The following TMCC1 variants were observed in gnomAD, a reference collection of about 807,000 sequenced individuals.
TMCC1 encodes transmembrane and coiled-coil domains protein 1.
A neutral mutation model predicts 52.4 loss-of-function variants in TMCC1; 15 were observed. The observed-to-expected ratio is 0.29, with a 90% CI of 0.19 to 0.44. TMCC1 has a LOEUF of 0.44. Among genes scored for constraint, TMCC1 ranks in the 20% least tolerant of loss-of-function variants. The pLI is 1.00. For missense variants in TMCC1, 503 were observed against 806.0 expected, an observed-to-expected ratio of 0.62 and a Z score of 4.55; for synonymous variants, 279 against 301.9, an observed-to-expected ratio of 0.92 and a Z score of 0.79.
chr3:129,693,228 T>C (rs1243133384), intron 4 of TMCC1, among the ~76,000 whole-genome samples: 1 of 152,210 alleles, frequency 6.6e-6, no homozygotes, highest in Non-Finnish European at 1.5e-5. Context: ...GAAAGATGAT[T>C]CTTATTTGTG....
In TMCC1 at chr3:129,781,790, T is replaced by C. The variant is rs116108695; in HGVS notation, c.576+46013A>G. Among the ~76,000 whole-genome samples, 444 of 152,238 alleles carry C rather than the reference T, an allele frequency of 2.9e-3. 5 individuals are homozygous for C. Among genetic ancestry groups the C allele is most frequent in the Middle Eastern group, 0.01 (3 of 294 alleles). On this transcript the variant is annotated intron_variant, in intron 4 of 6. Transcript: ENST00000393238. ...TGGATTAAGTTTTATTAGTATCACT[T>C]TGGCTAATAAAATGTGTTAAGCAAG...
rs191106455 is a variant in TMCC1, at chr3:129,725,559, C to A, written c.577-54295G>T. ...TAGAAAAAAGAAAATAGAAAAAAAT[C>A]ATTACTGGATTGTTTCAAAGCAGGT... is the stretch of plus-strand genomic sequence containing the variant. On this transcript the variant is annotated intron_variant, in intron 4 of 6. Coordinates refer to ENST00000393238, the MANE Select transcript of TMCC1 (RefSeq NM_001017395.5). Among the ~76,000 whole-genome samples, 19 of 151,736 alleles carry A rather than the reference C, an allele frequency of 1.3e-4. No individual in the cohort carries two copies. The East Asian group carries it at 3.5e-3, about 28-fold the overall frequency.
At chr3:129,757,959 G>GA (rs201320339) in intron 4 of TMCC1, among the ~76,000 whole-genome samples, 300 of 150,558 alleles carry the variant, frequency 2.0e-3, no homozygotes, top group African/African-American at 5.0e-3. Context: ...TTAGAAAATG[G>GA]AAAAAAAAAT....
chr3:129,692,925 G>A (rs186157416), intron 4 of TMCC1, among the ~76,000 whole-genome samples: 2 of 152,004 alleles, frequency 1.3e-5, no homozygotes, highest in African/African-American at 2.4e-5. Context: ...TGACTGCAAT[G>A]TCCATCTCCC....
intron 4 of TMCC1, among the ~76,000 whole-genome samples, chr3:129,671,589 T>C (rs1208979575): frequency 6.6e-6 from 1 of 152,230 alleles, no homozygotes; most frequent in Non-Finnish European, 1.5e-5. Context: ...TCACTTTCTT[T>C]ACACATAATT....
At chr3:129,670,006 C>G (rs1331681461) in intron 5 of TMCC1, among the ~76,000 whole-genome samples, 2 of 152,190 alleles carry the variant, frequency 1.3e-5, no homozygotes. Context: ...TCTTTGATAT[C>G]TACACAGTTC....
At chr3:129,676,764 T>TA (rs2088485419) in intron 4 of TMCC1, among the ~76,000 whole-genome samples, 1 of 152,178 alleles carries the variant, frequency 6.6e-6, no homozygotes, top group South Asian at 2.1e-4. Flanking sequence ...TTGGGTCACC[T>TA]ACTTGTTCTC....
intron 4 of TMCC1, among the ~76,000 whole-genome samples, chr3:129,820,529 A>G (rs1451822515): frequency 3.3e-5 from 5 of 151,776 alleles, no homozygotes; most frequent in South Asian, 2.1e-4. Context: ...TCAGATTAAT[A>G]TATTAGATTT....
intron 4 of TMCC1, among the ~76,000 whole-genome samples, chr3:129,772,739 A>AAC (rs2054705620): frequency 6.7e-6 from 1 of 149,130 alleles, no homozygotes; most frequent in African/African-American, 2.5e-5. Context: ...AAAAAAAAAA[A>AAC]AAAAACTGAT....
At chr3:129,799,971 T>C (rs1022017088) in intron 4 of TMCC1, among the ~76,000 whole-genome samples, 5 of 152,292 alleles carry the variant, frequency 3.3e-5, no homozygotes, top group Non-Finnish European at 7.4e-5. Flanking sequence ...ATATAAAACA[T>C]CTATGTCCAT....
chr3:129,693,729 A>G (rs1413741467), intron 4 of TMCC1, among the ~76,000 whole-genome samples: 2 of 152,088 alleles, frequency 1.3e-5, no homozygotes, highest in Non-Finnish European at 2.9e-5. Context: ...TCTAACCCAC[A>G]TTTTAGTAGA....
At chr3:129,732,876 A>G (rs1022775442) in intron 4 of TMCC1, among the ~76,000 whole-genome samples, 3 of 152,220 alleles carry the variant, frequency 2.0e-5, no homozygotes, top group African/African-American at 7.2e-5. Flanking sequence ...TGTACTTTCT[A>G]TTAGTATTAC....
At chr3:129,790,509 GTATAA>G (rs1011170516) in intron 4 of TMCC1, among the ~76,000 whole-genome samples, 2 of 151,984 alleles carry the variant, frequency 1.3e-5, no homozygotes, top group Admixed American at 6.6e-5. Context: ...AAATAAAAGG[GTATAA>G]TATTTTACTG....
At chr3:129,817,983 T>C (rs1259847077) in intron 4 of TMCC1, among the ~76,000 whole-genome samples, 1 of 152,170 alleles carries the variant, frequency 6.6e-6, no homozygotes, top group Non-Finnish European at 1.5e-5. Flanking sequence ...TTAATTTTTG[T>C]ATTTTTAGTA....
At chr3:129,689,051 T>C (rs1342752784) in intron 4 of TMCC1, among the ~76,000 whole-genome samples, 1 of 152,250 alleles carries the variant, frequency 6.6e-6, no homozygotes, top group African/African-American at 2.4e-5. Flanking sequence ...TTTTGTAATG[T>C]TTCTTCTCTT....
At chr3:129,866,435 T>C (rs1214307718) in intron 2 of TMCC1, among the ~76,000 whole-genome samples, 19 of 147,768 alleles carry the variant, frequency 1.3e-4, no homozygotes, top group Non-Finnish European at 2.8e-4. Context: ...TGGAGTGCAA[T>C]GGCTCGATCT....
intron 2 of TMCC1, among the ~76,000 whole-genome samples, chr3:129,846,431 G>A (rs2059668114): frequency 1.3e-5 from 2 of 152,158 alleles, no homozygotes; most frequent in South Asian, 4.1e-4. Flanking sequence ...CAGGTCATTT[G>A]AAATGGTTTC....
At chr3:129,702,344 A>C (rs2047901267) in intron 4 of TMCC1, among the ~76,000 whole-genome samples, 1 of 151,788 alleles carries the variant, frequency 6.6e-6, no homozygotes, top group Non-Finnish European at 1.5e-5. Context: ...TCTGGTGGGG[A>C]CCAGTTGATT....
Position 129,766,422 on chromosome 3 carries a change from CAA to C in TMCC1, c.576+61379_576+61380del, listed in dbSNP as rs770803464. On this transcript the variant is annotated intron_variant, in intron 4 of 6. Transcript: ENST00000393238. ...TCTGAGCTAGCATGCACAGAGAATA[CAA>C]AGATGACTGTGTTGCTGAAACATTG... 4.6e-5 allele frequency among the ~76,000 whole-genome samples: 7 copies of C among 152,218 alleles called. No homozygotes were observed. In the East Asian group the frequency reaches 1.4e-3, roughly 29 times the overall value.
Sources: gnomAD v4.1 joint callset for allele counts (sites outside exome capture counted in the v4.1 genomes callset) on GRCh38, gnomAD v4.1.1 for gene constraint, MANE v1.5 for transcripts, NCBI Gene and HGNC (gene_info 2026-07-23, HGNC 2026-07-21) for gene names.